The following ZDHHC14 variants were observed in gnomAD, a reference collection of about 807,000 sequenced individuals.
The protein encoded by ZDHHC14 is zDHHC palmitoyltransferase 14, also known as palmitoyltransferase ZDHHC14.
A neutral mutation model predicts 47.7 loss-of-function variants in ZDHHC14; 16 were observed. The observed-to-expected ratio is 0.34, with a 90% CI of 0.23 to 0.51. ZDHHC14 has a LOEUF of 0.51. Among genes scored for constraint, ZDHHC14 ranks in the 20% least tolerant of loss-of-function variants. ZDHHC14 has a pLI of 0.97. For missense variants in ZDHHC14, 515 were observed against 662.5 expected (o/e 0.78, Z 2.44); for synonymous variants, 293 against 278.9 (o/e 1.05, Z -0.50).
intron 1 of ZDHHC14, among the ~76,000 whole-genome samples, chr6:157,475,371 G>A (rs1779457547): frequency 6.6e-6 from 1 of 151,880 alleles, no homozygotes; most frequent in South Asian, 2.1e-4. Flanking sequence ...GGTTCCATAT[G>A]GATCTTAGGA....
chr6:157,672,792 G>A lies in ZDHHC14; in HGVS notation c.1137G>A (p.Gln379=), dbSNP rs1268495172. 6.2e-7 allele frequency: 1 copy of A among 1,612,674 alleles called. No individual in the cohort carries two copies. The highest frequency in any genetic ancestry group is 1.7e-5 in the Admixed American group (1 of 59,976). ...VLQAAATPLL[Q]SEPSLTSDEL... The stretch of plus-strand genomic sequence containing the variant: ...AGGCTGCAGCCACGCCCCTGCTGCA[G>A]AGCGAGCCCAGCCTCACCAGCGACG... Residue 379 remains glutamine, a synonymous_variant, in exon 9 of 9, where the codon CAG becomes CAA. Coordinates refer to ENST00000359775, the MANE Select transcript of ZDHHC14 (RefSeq NM_024630.3).
At chr6:157,614,090 C>T (rs1028150364) in intron 3 of ZDHHC14, among the ~76,000 whole-genome samples, 2 of 152,216 alleles carry the variant, frequency 1.3e-5, no homozygotes, top group African/African-American at 4.8e-5. Flanking sequence ...AGCCCCCCCA[C>T]CGCTGGCTGG....
chr6:157,506,858 C>CA (rs1323426451), intron 1 of ZDHHC14, among the ~76,000 whole-genome samples: 1 of 152,112 alleles, frequency 6.6e-6, no homozygotes, highest in African/African-American at 2.4e-5. Context: ...TCCTTCAACT[C>CA]AGAGTGAATG....
At chr6:157,567,807 T>C (rs1367959828) in intron 2 of ZDHHC14, among the ~76,000 whole-genome samples, 1 of 104,838 alleles carries the variant, frequency 9.5e-6, no homozygotes, top group African/African-American at 4.3e-5. Context: ...TGAGACCCCA[T>C]CTCAAAAAAA....
chr6:157,456,259 T>C (rs1778913647), intron 1 of ZDHHC14, among the ~76,000 whole-genome samples: 1 of 152,172 alleles, frequency 6.6e-6, no homozygotes, highest in South Asian at 2.1e-4. Context: ...CAGTGATGTG[T>C]CCTGTTAGCC....
intron 7 of ZDHHC14, among the ~76,000 whole-genome samples, chr6:157,653,052 G>A (rs555764348): frequency 3.5e-4 from 54 of 152,318 alleles, no homozygotes; most frequent in South Asian, 1.0e-3. Context: ...AGATAGCCAA[G>A]CAGAGTGCAT....
intron 3 of ZDHHC14, among the ~76,000 whole-genome samples, chr6:157,611,497 A>G (rs1418774253): frequency 6.6e-6 from 1 of 152,102 alleles, no homozygotes; most frequent in East Asian, 1.9e-4. Context: ...AGCTTCAACA[A>G]CAGAATTTCT....
intron 7 of ZDHHC14, among the ~76,000 whole-genome samples, chr6:157,650,449 C>T (rs1777777029): frequency 6.6e-6 from 1 of 152,026 alleles, no homozygotes; most frequent in African/African-American, 2.4e-5. Context: ...GGCAGAGCCT[C>T]ATTGGGCCGT....
chr6:157,423,221 C>T (rs1281716488), intron 1 of ZDHHC14, among the ~76,000 whole-genome samples: 2 of 152,138 alleles, frequency 1.3e-5, no homozygotes, highest in Non-Finnish European at 2.9e-5. Flanking sequence ...TTTCCCACCT[C>T]AAAAATGGGA....
chr6:157,517,680 C>A (rs565820328), intron 1 of ZDHHC14, among the ~76,000 whole-genome samples: 1 of 152,324 alleles, frequency 6.6e-6, no homozygotes, highest in South Asian at 2.1e-4. Flanking sequence ...ACCGGCGACT[C>A]CTGACCCTGA....
chr6:157,518,465 G>A (rs1780782266), intron 1 of ZDHHC14, among the ~76,000 whole-genome samples: 1 of 152,114 alleles, frequency 6.6e-6, no homozygotes, highest in African/African-American at 2.4e-5. Flanking sequence ...TCAGTGTGTG[G>A]TGGAATAAAG....
At chr6:157,645,079 T>C (rs906445379) in intron 5 of ZDHHC14, among the ~76,000 whole-genome samples, 8 of 152,108 alleles carry the variant, frequency 5.3e-5, no homozygotes, top group Admixed American at 3.3e-4. Flanking sequence ...AGGGGTTGGC[T>C]GAAGGGCTGA....
intron 3 of ZDHHC14, among the ~76,000 whole-genome samples, chr6:157,611,306 T>A (rs1419964736): frequency 6.6e-6 from 1 of 152,104 alleles, no homozygotes; most frequent in African/African-American, 2.4e-5. Flanking sequence ...GGCCAATATG[T>A]GTACTTTTAA....
At chr6:157,550,634 G>A (rs964115962) in intron 2 of ZDHHC14, among the ~76,000 whole-genome samples, 2 of 152,236 alleles carry the variant, frequency 1.3e-5, no homozygotes, top group Non-Finnish European at 2.9e-5. Context: ...AGAGACCATG[G>A]TGTCACATAG....
intron 2 of ZDHHC14, among the ~76,000 whole-genome samples, chr6:157,587,137 G>A (rs1783726598): frequency 6.6e-6 from 1 of 152,156 alleles, no homozygotes; most frequent in Admixed American, 6.5e-5. Flanking sequence ...GTTTGACTGA[G>A]TTCGTATTTT....
In ZDHHC14 at chr6:157,660,613, C is replaced by T. The variant is rs184831447; in HGVS notation, c.1068+6986C>T. On this transcript the variant is annotated intron_variant, in intron 8 of 8. Coordinates refer to ENST00000359775, the MANE Select transcript of ZDHHC14 (RefSeq NM_024630.3). Reference sequence around the variant, plus strand: ...TGAGGGATAATTTATTACAATCTGTCGCTCCTCAGCCCAGGACACTCATTA... The same window carrying T: ...TGAGGGATAATTTATTACAATCTGTTGCTCCTCAGCCCAGGACACTCATTA... Among the ~76,000 whole-genome samples the T allele has an allele frequency of 6.6e-3, 1,001 of 152,284 alleles. 14 individuals are homozygous for T. The highest frequency in any genetic ancestry group is 9.2e-3 in the Non-Finnish European group (625 of 68,032).
chr6:157,486,799 G>A (rs1383995775), intron 1 of ZDHHC14, among the ~76,000 whole-genome samples: 2 of 152,214 alleles, frequency 1.3e-5, no homozygotes, highest in Non-Finnish European at 2.9e-5. Flanking sequence ...GGCAAGGATG[G>A]GTGAGACCCA....
intron 1 of ZDHHC14, among the ~76,000 whole-genome samples, chr6:157,512,829 A>C (rs1049835473): frequency 3.9e-5 from 6 of 152,254 alleles, no homozygotes; most frequent in Non-Finnish European, 8.8e-5. Flanking sequence ...TATACTCTGA[A>C]AATGTTCCTG....
intron 3 of ZDHHC14, among the ~76,000 whole-genome samples, chr6:157,623,978 C>G (rs1021532222): frequency 2.6e-5 from 4 of 152,204 alleles, no homozygotes; most frequent in African/African-American, 9.7e-5. Flanking sequence ...TAAAGAACTT[C>G]CCATCACACG....
Sources: allele counts gnomAD v4.1 joint callset (sites outside exome capture counted in the v4.1 genomes callset), GRCh38; gene constraint gnomAD v4.1.1; transcripts MANE v1.5; gene names NCBI Gene and HGNC (gene_info 2026-07-23, HGNC 2026-07-21).